The following ARID5B variants were observed in gnomAD, a reference collection of about 807,000 sequenced individuals.
The protein encoded by ARID5B is AT-rich interaction domain 5B.
A neutral mutation model predicts 97.2 loss-of-function variants in ARID5B; 13 were observed. The ratio of observed to expected loss-of-function variants is 0.13; its 90% CI spans 0.09 to 0.21. The LOEUF is 0.21. Among genes scored for constraint, ARID5B ranks in the 10% least tolerant of loss-of-function variants. ARID5B has a pLI of 1.00. For missense variants in ARID5B, 1,210 were observed against 1,465.3 expected, an observed-to-expected ratio of 0.83 and a Z score of 2.84; for synonymous variants, 556 against 570.3, an observed-to-expected ratio of 0.97 and a Z score of 0.36.
At chr10:61,916,488 T>C (rs1843907048) in intron 2 of ARID5B, among the ~76,000 whole-genome samples, 3 of 152,146 alleles carry the variant, frequency 2.0e-5, no homozygotes, top group African/African-American at 7.2e-5. Context: ...TAAAACTAGG[T>C]CCTGACAGAT....
chr10:62,036,334 G>C (rs774043403), intron 4 of ARID5B, among the ~76,000 whole-genome samples: 23 of 152,236 alleles, frequency 1.5e-4, no homozygotes, highest in Non-Finnish European at 3.1e-4. Context: ...TGATCCCAGA[G>C]GTCCTGAGTT....
intron 3 of ARID5B, among the ~76,000 whole-genome samples, chr10:61,982,104 T>C (rs893904346): frequency 1.3e-5 from 2 of 152,238 alleles, no homozygotes; most frequent in African/African-American, 2.4e-5. Flanking sequence ...AGAAGCAGTA[T>C]AGAGTTGGAG....
intron 8 of ARID5B, among the ~76,000 whole-genome samples, chr10:62,079,797 C>T (rs1314657276): frequency 6.6e-6 from 1 of 152,146 alleles, no homozygotes; most frequent in South Asian, 2.1e-4. Context: ...AGCATTAAAG[C>T]CTTCAAAAAG....
intron 3 of ARID5B, among the ~76,000 whole-genome samples, chr10:61,987,012 A>G (rs1838856013): frequency 6.6e-6 from 1 of 152,236 alleles, no homozygotes; most frequent in Non-Finnish European, 1.5e-5. Flanking sequence ...GGGCACTAGT[A>G]AGAAGCAAGA....
At chr10:61,956,115 G>A (rs574330601) in intron 3 of ARID5B, among the ~76,000 whole-genome samples, 22 of 152,066 alleles carry the variant, frequency 1.4e-4, no homozygotes, top group South Asian at 6.2e-4. Flanking sequence ...CCCAATCCCC[G>A]GGCTGTGGAC....
At chr10:61,903,726 T>C (rs975309555) in intron 2 of ARID5B, among the ~76,000 whole-genome samples, 15 of 152,184 alleles carry the variant, frequency 9.9e-5, no homozygotes, top group Non-Finnish European at 4.4e-5. Flanking sequence ...AATTCCTCGG[T>C]TTGATCGAGT....
At chr10:62,067,229 CAT>C in intron 7 of ARID5B, among the ~76,000 whole-genome samples, 1 of 152,138 alleles carries the variant, frequency 6.6e-6, no homozygotes, top group Non-Finnish European at 1.5e-5. Context: ...GGATTACAGG[CAT>C]GCGCCACCAC....
At chr10:62,055,641 C>A (rs1477812621) in intron 5 of ARID5B, among the ~76,000 whole-genome samples, 2 of 152,162 alleles carry the variant, frequency 1.3e-5, no homozygotes, top group African/African-American at 4.8e-5. Flanking sequence ...AGTACAAAAT[C>A]TACATGGGAA....
At chr10:61,982,590 G>A (rs1480000571) in intron 3 of ARID5B, among the ~76,000 whole-genome samples, 1 of 152,214 alleles carries the variant, frequency 6.6e-6, no homozygotes. Context: ...TTATCCATGA[G>A]GGAATAACTC....
Position 61,974,955 on chromosome 10 carries a change from CA to C in ARID5B, c.503-25135del, listed in dbSNP as rs1178250447. Among the ~76,000 whole-genome samples the C allele has an allele frequency of 9.2e-3, 1,394 of 152,110 alleles. 22 individuals carry two copies. Among genetic ancestry groups the C allele is most frequent in the African/African-American group, 0.032 (1,331 of 41,498 alleles). On this transcript the variant is annotated intron_variant, in intron 3 of 9. Transcript: ENST00000279873. ...AGATATGTGCTCTAACTGCTTATTA[CA>C]CATTTTCAGTTTTCGAAGGAATAAT...
At position 62,073,646 on chromosome 10, in the gene ARID5B, C is replaced by A. The variant is rs889192609; in HGVS notation, c.1199+3849C>A. Among the ~76,000 whole-genome samples the A allele has an allele frequency of 3.3e-5, 5 of 152,308 alleles. No individual in the cohort carries two copies. In the East Asian group the frequency reaches 9.6e-4, roughly 29 times the overall value. Reference sequence around the variant, plus strand: ...CTCTGTCAGTTTTTAATATTAGTACCAGGCTCCTGGCCATAGTCCATTAGT... The same window carrying A: ...CTCTGTCAGTTTTTAATATTAGTACAAGGCTCCTGGCCATAGTCCATTAGT... On this transcript the variant is annotated intron_variant, in intron 8 of 9. Coordinates refer to ENST00000279873, the MANE Select transcript of ARID5B (RefSeq NM_032199.3).
At chr10:62,018,524 T>C (rs1460719431) in intron 4 of ARID5B, among the ~76,000 whole-genome samples, 1 of 151,800 alleles carries the variant, frequency 6.6e-6, no homozygotes, top group Non-Finnish European at 1.5e-5. Flanking sequence ...ACTGGGTGGG[T>C]GCCAGAGAGG....
intron 2 of ARID5B, among the ~76,000 whole-genome samples, chr10:61,913,809 T>C (rs1175030024): frequency 1.3e-5 from 2 of 152,228 alleles, no homozygotes; most frequent in Non-Finnish European, 2.9e-5. Context: ...TGGAGTACAA[T>C]GGCGCAATCT....
chr10:61,992,127 C>T (rs1417968641), intron 3 of ARID5B, among the ~76,000 whole-genome samples: 1 of 152,186 alleles, frequency 6.6e-6, no homozygotes, highest in African/African-American at 2.4e-5. Flanking sequence ...AGAATAACAC[C>T]TCATATGTGG....
chr10:62,096,143 A>G lies in ARID5B; in HGVS notation c.*3113A>G, dbSNP rs534778813. On this transcript the variant is annotated 3_prime_UTR_variant, in exon 10 of 10. Transcript: ENST00000279873. ...GGACTGACTTATTTATTTACTAGCT[A>G]GAAGCTCTTAAGTTCACTTGTTTAT... The G allele has an allele frequency of 4.3e-6, 1 of 233,480 alleles. No homozygotes were observed. Among genetic ancestry groups the G allele is most frequent in the African/African-American group, 2.2e-5 (1 of 45,342 alleles). 14.5% of individuals were successfully genotyped at this position (233,480 alleles called of 1,614,324 possible). A position where few individuals can be genotyped will look rare whatever the true frequency, so the allele number is the denominator to read the frequency against.
intron 4 of ARID5B, chr10:62,024,936 G>T (rs1333116429): frequency 6.6e-6 from 2 of 305,184 alleles, no homozygotes; most frequent in Non-Finnish European, 6.0e-6. Context: ...CTACATATAA[G>T]TGCCCTACTG....
In ARID5B at chr10:62,000,447, C is replaced by T; in HGVS notation, c.733+126C>T. The T allele has an allele frequency of 2.5e-6, 2 of 814,670 alleles. No homozygotes were observed. The highest frequency in any genetic ancestry group is 2.7e-5 in the East Asian group (1 of 37,172). The allele number at this position is 814,670 out of a possible 1,614,324, so 50.5% of individuals were successfully genotyped here. A position where few individuals can be genotyped will look rare whatever the true frequency, so the allele number is the denominator to read the frequency against. ...ACAAGCCCCATGTGCTGCCCCACCC[C>T]TCCCATCCCCCAAATTATTGCGGCA... On this transcript the variant is annotated intron_variant, in intron 4 of 9. Coordinates refer to ENST00000279873, the MANE Select transcript of ARID5B (RefSeq NM_032199.3). The surrounding 1 kb of genome is among the most constrained non-coding windows in gnomAD (Gnocchi z 4.4).
chr10:61,976,290 C>T (rs532781682), intron 3 of ARID5B, among the ~76,000 whole-genome samples: 3 of 152,186 alleles, frequency 2.0e-5, no homozygotes, highest in South Asian at 2.1e-4. Context: ...TTTATATTGC[C>T]GCATGCAGCT....
chr10:61,916,415 A>G (rs1843905515), intron 2 of ARID5B, among the ~76,000 whole-genome samples: 2 of 152,112 alleles, frequency 1.3e-5, no homozygotes, highest in African/African-American at 4.8e-5. Flanking sequence ...TAAAACATTT[A>G]CTATCTGGCC....
Sources: allele counts gnomAD v4.1 joint callset (sites outside exome capture counted in the v4.1 genomes callset), GRCh38; gene constraint gnomAD v4.1.1; non-coding constraint Gnocchi (gnomAD v3.1); transcripts MANE v1.5; gene names NCBI Gene and HGNC (gene_info 2026-07-23, HGNC 2026-07-21).